The following XPO7 variants were observed in gnomAD, a reference collection of about 807,000 sequenced individuals.
The protein encoded by XPO7 is exportin 7, also known as exportin-7.
Under a neutral mutation model 144.3 loss-of-function variants are expected in XPO7, and 21 were observed. That is an observed-to-expected ratio of 0.15 (90% confidence interval 0.10 to 0.21). The LOEUF (loss-of-function observed/expected upper bound fraction) is 0.21. XPO7 is among the 10% of genes least tolerant of loss of function. The pLI is 1.00. For missense variants in XPO7, 808 were observed against 1,325.8 expected (o/e 0.61, Z 6.06); for synonymous variants, 580 against 499.6 (o/e 1.16, Z -2.15).
At chr8:21,944,810 C>G (rs1001235298) in intron 1 of XPO7, among the ~76,000 whole-genome samples, 1 of 152,082 alleles carries the variant, frequency 6.6e-6, no homozygotes. Context: ...GGTGATGACT[C>G]TTAACAAGTA....
intron 1 of XPO7, among the ~76,000 whole-genome samples, chr8:21,957,809 C>T (rs752868301): frequency 6.6e-6 from 1 of 152,194 alleles, no homozygotes; most frequent in Non-Finnish European, 1.5e-5. Context: ...GCATGCACAA[C>T]CATGCCTGGC....
At chr8:22,003,410 C>T in intron 26 of XPO7, 93 bp downstream of exon 26, 1 of 960,368 alleles carries the variant, frequency 1.0e-6, no homozygotes, top group African/African-American at 1.7e-5. Flanking sequence ...TATAGAAACA[C>T]CCCACGGTGG....
Position 21,966,878 on chromosome 8 carries a change from C to T in XPO7, c.40C>T (p.Leu14=). The change falls in exon 2 of 28, where the codon CTG becomes TTG. Residue 14 remains leucine (L), a synonymous_variant. Coordinates refer to ENST00000252512, the MANE Select transcript of XPO7 (RefSeq NM_015024.5). ...CCAGAGCCTGGCCCAACTAGAGAATCTGTGCAAACAGCTGTATGAAACCAC... is the reference window on the plus strand; with the variant it reads ...CCAGAGCCTGGCCCAACTAGAGAATTTGTGCAAACAGCTGTATGAAACCAC... ...HVQSLAQLEN[L]CKQLYETTDT... 4 of 1,613,154 alleles carry T rather than the reference C, an allele frequency of 2.5e-6. No individual in the cohort carries two copies. Among genetic ancestry groups the T allele is most frequent in the Non-Finnish European group, 3.4e-6 (4 of 1,179,386 alleles).
chr8:21,976,627 A>G, intron 7 of XPO7, 106 bp downstream of exon 7: 4 of 1,302,378 alleles, frequency 3.1e-6, no homozygotes, highest in Non-Finnish European at 4.1e-6. Flanking sequence ...CTGAGGGAGA[A>G]TTGAGAAAAA....
intron 10 of XPO7, among the ~76,000 whole-genome samples, chr8:21,982,250 A>G (rs549293425): frequency 6.6e-6 from 1 of 152,322 alleles, no homozygotes; most frequent in East Asian, 1.9e-4. Context: ...CTTGTATCAC[A>G]GTCATCTAGG....
chr8:22,004,953 C>G, intron 27 of XPO7, 42 bp from the exon 28 acceptor site: 5 of 944,182 alleles, frequency 5.3e-6, no homozygotes, highest in African/African-American at 1.7e-5. Flanking sequence ...ATACCTTTCC[C>G]CCCCACTCTC....
chr8:21,999,070 A>G (rs1357450661), intron 22 of XPO7, 21 bp from the exon 23 acceptor site: 3 of 1,613,494 alleles, frequency 1.9e-6, no homozygotes, highest in East Asian at 4.5e-5. Context: ...TTGAATAAAC[A>G]TATATGACAT....
At chr8:21,971,616 T>C (rs527614469) in intron 4 of XPO7, among the ~76,000 whole-genome samples, 1 of 152,352 alleles carries the variant, frequency 6.6e-6, no homozygotes, top group African/African-American at 2.4e-5. Context: ...AAAATGTATA[T>C]GCTATAATGC....
chr8:22,003,768 C>CT, intron 26 of XPO7, 135 bp from the exon 27 acceptor site: 1 of 1,334,448 alleles, frequency 7.5e-7, no homozygotes, highest in Non-Finnish European at 1.0e-6. Context: ...GCCTGAATTT[C>CT]TTTTTTAAGG....
At chr8:21,922,669 G>C (rs781327786) in intron 1 of XPO7, among the ~76,000 whole-genome samples, 1 of 152,136 alleles carries the variant, frequency 6.6e-6, no homozygotes, top group Non-Finnish European at 1.5e-5. Flanking sequence ...AATAGTGCTA[G>C]CTGGTGTTCA....
intron 27 of XPO7, among the ~76,000 whole-genome samples, chr8:22,004,430 A>T (rs3061): frequency 0.025 from 3,746 of 152,304 alleles, 76 homozygotes; most frequent in Middle Eastern, 0.044. Flanking sequence ...GATTGTTTCA[A>T]ACACACCTAG....
At chr8:21,959,320 A>G (rs1199018649) in intron 1 of XPO7, among the ~76,000 whole-genome samples, 1 of 152,238 alleles carries the variant, frequency 6.6e-6, no homozygotes, top group East Asian at 1.9e-4. Context: ...TATAATCAAT[A>G]ATAGCCAGTA....
At chr8:21,986,717 G>C (rs977825214) in intron 13 of XPO7, among the ~76,000 whole-genome samples, 1 of 152,184 alleles carries the variant, frequency 6.6e-6, no homozygotes, top group African/African-American at 2.4e-5. Flanking sequence ...CTGAGCTTGA[G>C]TGTAGCAACA....
intron 19 of XPO7, 123 bp from the exon 20 acceptor site, chr8:21,994,240 T>C (rs1427947778): frequency 1.6e-6 from 1 of 607,436 alleles, no homozygotes; most frequent in African/African-American, 1.8e-5. Context: ...TCCGAATATT[T>C]GAGAAGGAGT....
chr8:21,970,802 C>A lies in XPO7; in HGVS notation c.426+492C>A, dbSNP rs979779774. ...GCAGTCCCGTAAAATTATAATGGAACTGGAAAAAAAATGGAGCCTAGTGAT... is the reference window on the plus strand; with the variant it reads ...GCAGTCCCGTAAAATTATAATGGAAATGGAAAAAAAATGGAGCCTAGTGAT... On this transcript the variant is annotated intron_variant, in intron 4 of 27. Coordinates refer to ENST00000252512, the MANE Select transcript of XPO7 (RefSeq NM_015024.5). Among the ~76,000 whole-genome samples the A allele has an allele frequency of 3.4e-4, 52 of 151,758 alleles. 1 individual carries two copies. Among genetic ancestry groups the A allele is most frequent in the African/African-American group, 9.7e-4 (40 of 41,110 alleles).
intron 10 of XPO7, 132 bp downstream of exon 10, chr8:21,982,009 G>C: frequency 8.4e-7 from 1 of 1,188,914 alleles, no homozygotes; most frequent in Non-Finnish European, 1.2e-6. Context: ...CTACAGAGTA[G>C]TTACTATTGT....
Position 21,999,280 on chromosome 8 carries a change from T to C in XPO7, c.2618T>C (p.Leu873Pro). ...CTGCAGACCTTCATCAAGCTGCTCC[T>C]CTCTATTCCTCACAGTGATCTCTTG... is the stretch of plus-strand genomic sequence containing the variant. The part of the protein sequence containing the change: ...NALQTFIKLL[L>P]SIPHSDLLDY... Residue 873 changes from leucine to proline, a missense_variant, in exon 23 of 28, where the codon CTC becomes CCC. Leu to Pro is a moderately conservative substitution (Grantham distance 98). Transcript: ENST00000252512. The C allele has an allele frequency of 6.2e-7, 1 of 1,613,102 alleles. No individual in the cohort carries two copies. The highest frequency in any genetic ancestry group is 8.5e-7 in the Non-Finnish European group (1 of 1,179,864).
intron 1 of XPO7, among the ~76,000 whole-genome samples, chr8:21,948,663 C>T (rs1044639698): frequency 7.2e-5 from 11 of 151,974 alleles, no homozygotes; most frequent in Admixed American, 6.6e-5. Context: ...TGTGGTTCAA[C>T]CTGATATGAG....
At chr8:21,999,388 C>T in intron 23 of XPO7, 83 bp downstream of exon 23, 1 of 1,582,830 alleles carries the variant, frequency 6.3e-7, no homozygotes, top group Non-Finnish European at 8.6e-7. Context: ...GAACACTGCT[C>T]TTGAGAAACT....
Sources: gnomAD v4.1 joint callset for allele counts (sites outside exome capture counted in the v4.1 genomes callset) on GRCh38, gnomAD v4.1.1 for gene constraint, MANE v1.5 for transcripts, NCBI Gene and HGNC (gene_info 2026-07-23, HGNC 2026-07-21) for gene names.